Variants in ATF6 observed in about 807,000 individuals in gnomAD.
ATF6 encodes cyclic AMP-dependent transcription factor ATF-6 alpha.
ATF6 carries 53 observed loss-of-function variants against 83.6 expected under a neutral mutation model. The observed-to-expected ratio is 0.63, with a 90% confidence interval of 0.51 to 0.80. The LOEUF is 0.80. Ranked by LOEUF, ATF6 falls within the 30% of genes least tolerant of loss-of-function variation. The pLI is 0.00. For missense variants in ATF6, 744 were observed against 797.9 expected (o/e 0.93, Z 0.81); for synonymous variants, 288 against 285.8 (o/e 1.01, Z -0.08).
chr1:161,907,069 A>G (rs926559743), intron 14 of ATF6, among the ~76,000 whole-genome samples: 1 of 152,152 alleles, frequency 6.6e-6, no homozygotes, highest in Admixed American at 6.5e-5. Context: ...CCAAATTGCC[A>G]TTGCTTTAAT....
At chr1:161,874,808 A>G (rs142543725) in intron 14 of ATF6, among the ~76,000 whole-genome samples, 2 of 151,860 alleles carry the variant, frequency 1.3e-5, no homozygotes, top group East Asian at 3.9e-4. Context: ...TTGACTTTGG[A>G]ATGAGGATAA....
Position 161,960,333 on chromosome 1 carries a change from TTTC to T in ATF6, c.*1685_*1687del, listed in dbSNP as rs1278854424. 5.9e-5 allele frequency: 9 copies of T among 152,368 alleles called. No individual in the cohort carries two copies. Among genetic ancestry groups the T allele is most frequent in the African/African-American group, 2.2e-4 (9 of 41,590 alleles). The allele number at this position is 152,368 out of a possible 1,614,324, so 9.4% of individuals were successfully genotyped here. ...CCCCAGTTGACTTGCCTTTGTCAGA[TTTC>T]TTCTTGTTCCACACTATAGCAATCA... On this transcript the variant is annotated 3_prime_UTR_variant, in exon 16 of 16. Transcript: ENST00000367942.
At chr1:161,774,894 G>C (rs1265514457) in intron 1 of ATF6, among the ~76,000 whole-genome samples, 1 of 152,178 alleles carries the variant, frequency 6.6e-6, no homozygotes, top group Middle Eastern at 3.4e-3. Context: ...GTCTTTTCCT[G>C]TCTCTAATGT....
chr1:161,911,610 G>T (rs1403225589), intron 14 of ATF6, among the ~76,000 whole-genome samples: 2 of 152,176 alleles, frequency 1.3e-5, no homozygotes, highest in Non-Finnish European at 2.9e-5. Context: ...GGCAAAAACT[G>T]TACAACTTCT....
intron 12 of ATF6, among the ~76,000 whole-genome samples, chr1:161,854,967 T>C (rs954924703): frequency 6.6e-6 from 1 of 151,928 alleles, no homozygotes; most frequent in African/African-American, 2.4e-5. Context: ...ATGAAGAAGC[T>C]GAGTACGACT....
At chr1:161,887,081 T>C (rs1687437601) in intron 14 of ATF6, among the ~76,000 whole-genome samples, 1 of 151,992 alleles carries the variant, frequency 6.6e-6, no homozygotes, top group Non-Finnish European at 1.5e-5. Flanking sequence ...TTTTTTTTTT[T>C]CTTTTTTTGA....
In ATF6 at chr1:161,851,722, A is replaced by G. The variant is rs1686635996; in HGVS notation, c.1320A>G (p.Arg440=). 1.2e-6 allele frequency: 2 copies of G among 1,610,192 alleles called. No homozygotes were observed. The highest frequency in any genetic ancestry group is 1.7e-6 in the Non-Finnish European group (2 of 1,177,090). Residue 440 remains arginine, a splice_region_variant and synonymous_variant, in exon 11 of 16, where the codon AGA becomes AGG. Coordinates refer to ENST00000367942, the MANE Select transcript of ATF6 (RefSeq NM_007348.4). ...SDGIIQKNSY[R]YDHSVSNDKA... is the part of the protein sequence containing the mutation. ...CAAATTTTGTGCATCCATGTTTCAG[A>G]TATGATCATTCTGTTTCAAATGACA...
intron 7 of ATF6, among the ~76,000 whole-genome samples, chr1:161,811,431 G>A (rs1685452783): frequency 6.6e-6 from 1 of 152,110 alleles, no homozygotes; most frequent in South Asian, 2.1e-4. Context: ...AATGTCTTAT[G>A]GCTTCTTATA....
chr1:161,934,812 T>C (rs932371451), intron 15 of ATF6, among the ~76,000 whole-genome samples: 5 of 152,208 alleles, frequency 3.3e-5, no homozygotes, highest in Non-Finnish European at 5.9e-5. Context: ...ACCCATGTTT[T>C]CCTAGAAACA....
At chr1:161,900,468 A>G (rs1394042909) in intron 14 of ATF6, among the ~76,000 whole-genome samples, 1 of 152,188 alleles carries the variant, frequency 6.6e-6, no homozygotes, top group Non-Finnish European at 1.5e-5. Flanking sequence ...TAACATTTTC[A>G]ATAAGAAGCC....
At chr1:161,880,367 T>TAA (rs1475501914) in intron 14 of ATF6, among the ~76,000 whole-genome samples, 1 of 151,882 alleles carries the variant, frequency 6.6e-6, no homozygotes, top group African/African-American at 2.4e-5. Context: ...TGTATATACT[T>TAA]ATATAGGTGA....
At chr1:161,797,702 C>G (rs1049387244) in intron 6 of ATF6, among the ~76,000 whole-genome samples, 2 of 152,194 alleles carry the variant, frequency 1.3e-5, no homozygotes, top group Non-Finnish European at 2.9e-5. Flanking sequence ...ATTCCATGCT[C>G]ATGGATAGGA....
At chr1:161,835,019 A>G (rs927102909) in intron 9 of ATF6, among the ~76,000 whole-genome samples, 15 of 151,626 alleles carry the variant, frequency 9.9e-5, no homozygotes, top group African/African-American at 3.4e-4. Context: ...TATCACTTCT[A>G]TGATGTTCTT....
intron 14 of ATF6, among the ~76,000 whole-genome samples, chr1:161,888,434 C>T (rs1687474605): frequency 1.3e-5 from 2 of 152,030 alleles, no homozygotes; most frequent in Admixed American, 1.3e-4. Context: ...TGTTTGATAG[C>T]CTTATCTAAA....
At chr1:161,872,279 A>G (rs1011269631) in intron 14 of ATF6, among the ~76,000 whole-genome samples, 11 of 151,682 alleles carry the variant, frequency 7.3e-5, no homozygotes, top group African/African-American at 2.4e-4. Flanking sequence ...AATTTAACCA[A>G]GAAAGTCTGG....
At chr1:161,832,372 AG>A (rs1177271932) in intron 9 of ATF6, among the ~76,000 whole-genome samples, 2 of 152,224 alleles carry the variant, frequency 1.3e-5, no homozygotes, top group Non-Finnish European at 2.9e-5. Flanking sequence ...ACTGAGGTAC[AG>A]GGTTCATCTC....
At chr1:161,814,695 T>C (rs1480421390) in intron 7 of ATF6, among the ~76,000 whole-genome samples, 2 of 151,842 alleles carry the variant, frequency 1.3e-5, no homozygotes, top group Admixed American at 6.6e-5. Flanking sequence ...TTGAGAAGAG[T>C]AGAGATAGTG....
intron 9 of ATF6, among the ~76,000 whole-genome samples, chr1:161,830,493 A>G (rs1335913743): frequency 6.6e-6 from 1 of 152,210 alleles, no homozygotes; most frequent in Non-Finnish European, 1.5e-5. Context: ...TCGCCAAGTC[A>G]ATCCTAAGCC....
At chr1:161,904,335 C>T (rs949469404) in intron 14 of ATF6, among the ~76,000 whole-genome samples, 6 of 152,146 alleles carry the variant, frequency 3.9e-5, no homozygotes, top group African/African-American at 1.2e-4. Context: ...CGCCTGTAAT[C>T]CCAGCACTTT....
Sources: allele counts gnomAD v4.1 joint callset (sites outside exome capture counted in the v4.1 genomes callset), GRCh38; gene constraint gnomAD v4.1.1; transcripts MANE v1.5; gene names NCBI Gene and HGNC (gene_info 2026-07-23, HGNC 2026-07-21).